The following CNKSR2 variants were observed in gnomAD, a reference collection of about 807,000 sequenced individuals.
The protein encoded by CNKSR2 is connector enhancer of kinase suppressor of Ras 2, also known as CNK homolog protein 2.
In CNKSR2, 14 loss-of-function variants were observed where a neutral mutation model predicts 84.4. That is an observed-to-expected ratio of 0.17 (90% CI 0.11 to 0.26). The LOEUF is 0.26. CNKSR2 is among the 10% of genes least tolerant of loss of function. The pLI is 1.00. For synonymous variants in CNKSR2, 275 were observed against 277.9 expected, an observed-to-expected ratio of 0.99 and a Z score of 0.10; for missense variants, 485 against 771.2, an observed-to-expected ratio of 0.63 and a Z score of 4.40.
At chrX:21,552,451 T>A (rs1001456269) in intron 11 of CNKSR2, among the ~76,000 whole-genome samples, 3 of 112,030 alleles carry the variant, frequency 2.7e-5, no homozygotes, top group Non-Finnish European at 5.6e-5. Flanking sequence ...ATGGAACTAA[T>A]GTTTTATGGA....
chrX:21,626,508 T>C (rs894343212), intron 20 of CNKSR2, among the ~76,000 whole-genome samples: 6 of 111,715 alleles, frequency 5.4e-5, no homozygotes, highest in Non-Finnish European at 1.1e-4. Context: ...GGGATACCAA[T>C]TAGAAAACTA....
chrX:21,429,684 G>C (rs1452862002), intron 2 of CNKSR2: 1 of 111,606 alleles, frequency 9.0e-6, no homozygotes, highest in Non-Finnish European at 1.9e-5. Context: ...GATCACTTGA[G>C]CCTAGGAGTT....
At position 21,609,201 on chromosome X, in the gene CNKSR2, G is replaced by T. The variant is rs777809329; in HGVS notation, c.2276G>T (p.Arg759Leu). Residue 759 changes from arginine (R) to leucine (L), a missense_variant, in exon 20 of 22, where the codon CGC becomes CTC. Coordinates refer to ENST00000379510, the MANE Select transcript of CNKSR2 (RefSeq NM_014927.5). ...GGGAGCAGTGCAGTGTCTCCCATTC[G>T]CAAGACAGCCAGTCAGCGCCGCTCC... ...VTGSSAVSPI[R>L]KTASQRRSWQ... The T allele has an allele frequency of 2.5e-6, 3 of 1,210,931 alleles. No individual in the cohort carries two copies. The highest frequency in any genetic ancestry group is 3.4e-6 in the Non-Finnish European group (3 of 894,917).
chrX:21,389,295 G>GT (rs1410740885), intron 1 of CNKSR2, among the ~76,000 whole-genome samples: 1 of 106,793 alleles, frequency 9.4e-6, no homozygotes, highest in Non-Finnish European at 1.9e-5. Context: ...AAAGTGTGGA[G>GT]TTTAGTTTAT....
At chrX:21,378,051 A>G (rs978510533) in intron 1 of CNKSR2, among the ~76,000 whole-genome samples, 1 of 111,575 alleles carries the variant, frequency 9.0e-6, no homozygotes, top group Non-Finnish European at 1.9e-5. Context: ...AAAATCAAAT[A>G]CTCAACTAAA....
At chrX:21,522,910 CAG>C in intron 9 of CNKSR2, among the ~76,000 whole-genome samples, 1 of 110,983 alleles carries the variant, frequency 9.0e-6, no homozygotes, top group Non-Finnish European at 1.9e-5. Flanking sequence ...TTCAAACTGA[CAG>C]TATGAAAAAT....
At chrX:21,534,689 G>A (rs1354361098) in intron 11 of CNKSR2, among the ~76,000 whole-genome samples, 7 of 110,918 alleles carry the variant, frequency 6.3e-5, no homozygotes, top group East Asian at 2.8e-4. Context: ...AATGATAAAC[G>A]ACGTTAAGCA....
chrX:21,567,610 C>T (rs2092249792), intron 13 of CNKSR2, among the ~76,000 whole-genome samples: 2 of 111,813 alleles, frequency 1.8e-5, no homozygotes, highest in African/African-American at 6.5e-5. Flanking sequence ...CTTCCTTTCC[C>T]TGCCATCTCA....
chrX:21,426,707 T>C (rs768113763), intron 2 of CNKSR2, 47 bp downstream of exon 2: 5 of 1,127,506 alleles, frequency 4.4e-6, no homozygotes, highest in Non-Finnish European at 5.9e-6. Context: ...TTTTTCTTCT[T>C]TTGTTGCTTT....
chrX:21,526,641 G>GA (rs1471022882), intron 9 of CNKSR2, among the ~76,000 whole-genome samples: 2 of 111,370 alleles, frequency 1.8e-5, no homozygotes, highest in Admixed American at 1.9e-4. Context: ...ATTAAGGTGA[G>GA]TTGGGAGTGA....
intron 3 of CNKSR2, among the ~76,000 whole-genome samples, chrX:21,435,835 A>G (rs928250506): frequency 5.4e-5 from 6 of 111,221 alleles, no homozygotes; most frequent in Admixed American, 4.8e-4. Flanking sequence ...TTTTTCCTTC[A>G]TTTTTACCAG....
chrX:21,482,721 G>T (rs976748831), intron 5 of CNKSR2, among the ~76,000 whole-genome samples: 1 of 111,906 alleles, frequency 8.9e-6, no homozygotes, highest in Non-Finnish European at 1.9e-5. Flanking sequence ...AAATACATTA[G>T]CAGAAACACT....
intron 13 of CNKSR2, among the ~76,000 whole-genome samples, chrX:21,568,006 G>A (rs961815484): frequency 1.8e-5 from 2 of 111,852 alleles, no homozygotes; most frequent in African/African-American, 6.5e-5. Context: ...TAATTACTTA[G>A]GCCGAGCACG....
In CNKSR2 at chrX:21,563,316, A is replaced by G. The variant is rs776711844; in HGVS notation, c.1472A>G (p.Asp491Gly). 3 of 1,210,384 alleles carry G rather than the reference A, an allele frequency of 2.5e-6. No individual in the cohort carries two copies. Among genetic ancestry groups the G allele is most frequent in the Non-Finnish European group, 3.4e-6 (3 of 894,398 alleles). ...EYMFQRNSKK[D>G]TGKKSKKKGD... ...ATGTTTCAGAGAAACAGCAAAAAGG[A>G]CACAGGGAAGAAGTCAAAAAAGAAG... is the stretch of plus-strand genomic sequence containing the variant. The change falls in exon 13 of 22, where the codon GAC (aspartate) becomes GGC (glycine). Residue 491 changes from aspartate to glycine, a missense_variant. Asp to Gly is a moderately conservative substitution (Grantham distance 94, BLOSUM62 -1). Around this residue, in one of 5 missense-constraint regions of CNKSR2, gnomAD observed 132 missense variants for 166.7 expected, o/e 0.79. Coordinates refer to ENST00000379510, the MANE Select transcript of CNKSR2 (RefSeq NM_014927.5).
intron 1 of CNKSR2, among the ~76,000 whole-genome samples, chrX:21,393,440 G>A (rs890222116): frequency 4.4e-5 from 5 of 112,400 alleles, no homozygotes; most frequent in African/African-American, 1.6e-4. Context: ...TTTTGAATAT[G>A]TGACCAGAAA....
intron 11 of CNKSR2, among the ~76,000 whole-genome samples, chrX:21,537,456 T>C (rs2091938555): frequency 9.0e-6 from 1 of 111,290 alleles, no homozygotes; most frequent in South Asian, 3.7e-4. Context: ...ATGCTGAGAG[T>C]TGGGTGTTAA....
At chrX:21,644,718 C>G (rs1244667801) in intron 20 of CNKSR2, 1 of 111,402 alleles carries the variant, frequency 9.0e-6, no homozygotes. Flanking sequence ...ACACAAGGGT[C>G]CATTAAGGTA....
chrX:21,511,496 T>C (rs1050995255), intron 8 of CNKSR2, among the ~76,000 whole-genome samples: 16 of 110,695 alleles, frequency 1.4e-4, no homozygotes, highest in African/African-American at 5.3e-4. Flanking sequence ...AGTTATGCAG[T>C]ATGCCGTGAG....
intron 8 of CNKSR2, among the ~76,000 whole-genome samples, chrX:21,515,735 G>A (rs1228436304): frequency 1.8e-5 from 2 of 111,467 alleles, no homozygotes; most frequent in East Asian, 5.7e-4. Flanking sequence ...GGATGCAGTT[G>A]AGCCCGATTT....
Sources: gnomAD v4.1 joint callset for allele counts (sites outside exome capture counted in the v4.1 genomes callset) on GRCh38, gnomAD v4.1.1 for gene constraint, gnomAD v4.1.1 regional missense constraint, MANE v1.5 for transcripts, NCBI Gene and HGNC (gene_info 2026-07-23, HGNC 2026-07-21) for gene names.